The following SGCZ variants were observed in gnomAD, a reference collection of about 807,000 sequenced individuals.
SGCZ encodes the protein sarcoglycan zeta.
SGCZ carries 40 observed loss-of-function variants against 41.3 expected under a neutral mutation model. That is an observed-to-expected ratio of 0.97 (90% CI 0.75 to 1.26). The LOEUF (loss-of-function observed/expected upper bound fraction) is 1.26, where lower values mean the gene tolerates loss of function less well. Ranked by LOEUF, SGCZ falls within the 50% of genes most tolerant of loss-of-function variation. The pLI, the probability that SGCZ is intolerant of heterozygous loss-of-function variation, is 0.00. For synonymous variants in SGCZ, 206 were observed against 137.5 expected (o/e 1.50, Z -3.49); for missense variants, 552 against 369.8 (o/e 1.49, Z -4.04).
At chr8:14,555,695 G>A (rs1012575510) in intron 1 of SGCZ, among the ~76,000 whole-genome samples, 2 of 152,030 alleles carry the variant, frequency 1.3e-5, no homozygotes, top group Non-Finnish European at 1.5e-5. Flanking sequence ...GCAGTAGAGA[G>A]AGACTGAGTC....
intron 1 of SGCZ, among the ~76,000 whole-genome samples, chr8:14,933,001 A>G (rs1007336823): frequency 1.3e-4 from 19 of 151,988 alleles, no homozygotes; most frequent in African/African-American, 4.6e-4. Flanking sequence ...CTAAATATTG[A>G]ATACTCATAG....
At chr8:14,652,357 T>TGGGGGG (rs140665154) in intron 1 of SGCZ, among the ~76,000 whole-genome samples, 2 of 59,718 alleles carry the variant, frequency 3.3e-5, no homozygotes, top group Non-Finnish European at 5.6e-5. Flanking sequence ...GGGGGGGGTG[T>TGGGGGG]GGGGGGGAGA....
chr8:14,996,543 AG>A (rs1283199232), intron 1 of SGCZ, among the ~76,000 whole-genome samples: 8 of 152,228 alleles, frequency 5.3e-5, no homozygotes, highest in Non-Finnish European at 1.5e-5. Flanking sequence ...CTGGGAGTAC[AG>A]GTGCATGCCA....
chr8:15,208,309 A>G (rs1430810053), intron 1 of SGCZ, among the ~76,000 whole-genome samples: 1 of 152,180 alleles, frequency 6.6e-6, no homozygotes. Context: ...AAAAAAAATT[A>G]TCATCAATGA....
chr8:15,163,546 T>C (rs1391903321), intron 1 of SGCZ, among the ~76,000 whole-genome samples: 3 of 152,228 alleles, frequency 2.0e-5, no homozygotes, highest in Non-Finnish European at 4.4e-5. Context: ...CTTGAAGTTC[T>C]AATAAAAATA....
At chr8:14,841,284 A>C (rs1802900108) in intron 1 of SGCZ, among the ~76,000 whole-genome samples, 1 of 152,208 alleles carries the variant, frequency 6.6e-6, no homozygotes, top group Non-Finnish European at 1.5e-5. Flanking sequence ...ATCTACAAGC[A>C]CTGGCTCCAA....
intron 4 of SGCZ, among the ~76,000 whole-genome samples, chr8:14,218,970 G>T (rs543975683): frequency 1.3e-5 from 2 of 152,220 alleles, no homozygotes; most frequent in Non-Finnish European, 2.9e-5. Flanking sequence ...AGAACTCAAC[G>T]TTGACCGTTC....
intron 1 of SGCZ, among the ~76,000 whole-genome samples, chr8:14,617,245 C>T (rs1156810380): frequency 6.6e-6 from 1 of 152,064 alleles, no homozygotes; most frequent in Non-Finnish European, 1.5e-5. Context: ...TTAGCATATT[C>T]ATATTTATTT....
intron 1 of SGCZ, among the ~76,000 whole-genome samples, chr8:15,216,038 C>G (rs1801388081): frequency 6.6e-6 from 1 of 151,994 alleles, no homozygotes; most frequent in Admixed American, 6.6e-5. Flanking sequence ...GAAAATTGAG[C>G]TAATTCAGAA....
chr8:14,581,680 G>C (rs1162210437), intron 1 of SGCZ, among the ~76,000 whole-genome samples: 2 of 151,942 alleles, frequency 1.3e-5, no homozygotes, highest in African/African-American at 2.4e-5. Context: ...TCTTCTCTAA[G>C]AACAAAAAGC....
intron 1 of SGCZ, among the ~76,000 whole-genome samples, chr8:14,865,909 A>T (rs1377594382): frequency 6.6e-6 from 1 of 152,076 alleles, no homozygotes; most frequent in Non-Finnish European, 1.5e-5. Context: ...GTATCACCAA[A>T]CGACACCTTG....
chr8:14,722,230 T>G (rs1426612700), intron 1 of SGCZ, among the ~76,000 whole-genome samples: 1 of 152,210 alleles, frequency 6.6e-6, no homozygotes, highest in African/African-American at 2.4e-5. Context: ...TTTATGTTTA[T>G]TTAGTTAACC....
chr8:14,862,564 A>G (rs1803790507), intron 1 of SGCZ, among the ~76,000 whole-genome samples: 1 of 140,392 alleles, frequency 7.1e-6, no homozygotes, highest in South Asian at 2.2e-4. Flanking sequence ...ATATATATAT[A>G]TATATATATA....
chr8:15,028,248 A>G (rs541744540), intron 1 of SGCZ, among the ~76,000 whole-genome samples: 53 of 152,266 alleles, frequency 3.5e-4, no homozygotes, highest in Admixed American at 2.2e-3. Flanking sequence ...TCTTCAGACT[A>G]TAGCAATTCC....
intron 2 of SGCZ, among the ~76,000 whole-genome samples, chr8:14,423,562 A>C (rs921196542): frequency 6.6e-6 from 1 of 152,050 alleles, no homozygotes; most frequent in Non-Finnish European, 1.5e-5. Flanking sequence ...GATTACAGGC[A>C]TACACCACCA....
intron 1 of SGCZ, among the ~76,000 whole-genome samples, chr8:14,581,568 C>G (rs965416167): frequency 6.6e-6 from 1 of 152,012 alleles, no homozygotes; most frequent in Non-Finnish European, 1.5e-5. Flanking sequence ...CTGGGAATGG[C>G]ATAGAGTGAA....
At chr8:14,527,426 T>C (rs919332001) in intron 2 of SGCZ, among the ~76,000 whole-genome samples, 4 of 152,218 alleles carry the variant, frequency 2.6e-5, no homozygotes, top group Non-Finnish European at 5.9e-5. Flanking sequence ...CTCAGCCTCA[T>C]AAGTAGCTGG....
intron 3 of SGCZ, among the ~76,000 whole-genome samples, chr8:14,316,941 C>T (rs1190538257): frequency 6.6e-6 from 1 of 151,838 alleles, no homozygotes; most frequent in East Asian, 1.9e-4. Flanking sequence ...CACAACTGTG[C>T]TCCTAACCTA....
intron 2 of SGCZ, among the ~76,000 whole-genome samples, chr8:14,467,697 C>T (rs1180733340): frequency 2.6e-5 from 4 of 152,114 alleles, no homozygotes; most frequent in African/African-American, 9.6e-5. Context: ...GTTCTGAAGG[C>T]ATATTTTCGG....
Sources: gnomAD v4.1 joint callset for allele counts (sites outside exome capture counted in the v4.1 genomes callset) on GRCh38, gnomAD v4.1.1 for gene constraint, MANE v1.5 for transcripts, NCBI Gene and HGNC (gene_info 2026-07-23, HGNC 2026-07-21) for gene names.